Variants in TMEM132C observed in about 807,000 individuals in gnomAD.
TMEM132C encodes transmembrane protein 132C, also known as protein phosphatase 1, regulatory subunit 152.
In TMEM132C, 29 loss-of-function variants were observed where a neutral mutation model predicts 61.4. That is an observed-to-expected ratio of 0.47 (90% CI 0.35 to 0.64). The LOEUF (loss-of-function observed/expected upper bound fraction) is 0.64, where lower values mean the gene tolerates loss of function less well. Ranked by LOEUF, TMEM132C falls within the 30% of genes least tolerant of loss-of-function variation. The pLI, the probability that TMEM132C is intolerant of heterozygous loss-of-function variation, is 0.00. For synonymous variants in TMEM132C, 656 were observed against 633.1 expected (o/e 1.04, Z -0.54); for missense variants, 1,408 against 1,476.9 (o/e 0.95, Z 0.76).
intron 1 of TMEM132C, among the ~76,000 whole-genome samples, chr12:128,310,601 T>A (rs1288984104): frequency 1.3e-5 from 2 of 151,988 alleles, no homozygotes; most frequent in African/African-American, 4.8e-5. Flanking sequence ...AACCTGTTCA[T>A]CACCAAGGAG....
rs748979165 is a variant in TMEM132C at position 128,669,502 on chromosome 12, C to T, written c.1391C>T (p.Ala464Val). The change falls in exon 5 of 9, where the codon GCC becomes GTC. Residue 464 changes from alanine to valine, a missense_variant. Coordinates refer to ENST00000435159, the MANE Select transcript of TMEM132C (RefSeq NM_001136103.3). ...GTGGTCTCTGTGGAGGAGAACAGTGCCGTGATGGACATCTCAGAGTCGGTG... is the reference window on the plus strand; with the variant it reads ...GTGGTCTCTGTGGAGGAGAACAGTGTCGTGATGGACATCTCAGAGTCGGTG... ...IKVVSVEENS[A>V]VMDISESVEC... 10 of 1,551,646 alleles carry T rather than the reference C, an allele frequency of 6.4e-6. No individual in the cohort carries two copies. Among genetic ancestry groups the T allele is most frequent in the Non-Finnish European group, 8.7e-6 (10 of 1,146,984 alleles).
chr12:128,702,868 T>C (rs1185375139), intron 8 of TMEM132C, among the ~76,000 whole-genome samples: 1 of 152,140 alleles, frequency 6.6e-6, no homozygotes, highest in Non-Finnish European at 1.5e-5. Context: ...GCAATGACAG[T>C]GTCCGGGATG....
chr12:128,617,306 G>A (rs577685574), intron 4 of TMEM132C, among the ~76,000 whole-genome samples: 14 of 152,268 alleles, frequency 9.2e-5, no homozygotes, highest in South Asian at 2.1e-4. Context: ...AGGTGGCCCC[G>A]GCAATGCCAC....
At chr12:128,327,746 A>G (rs1437906972) in intron 1 of TMEM132C, among the ~76,000 whole-genome samples, 1 of 152,056 alleles carries the variant, frequency 6.6e-6, no homozygotes, top group Admixed American at 6.6e-5. Flanking sequence ...TAAGAAATAC[A>G]TTGGTTCGGT....
At chr12:128,596,974 C>T (rs1489820839) in intron 3 of TMEM132C, among the ~76,000 whole-genome samples, 1 of 152,194 alleles carries the variant, frequency 6.6e-6, no homozygotes, top group Non-Finnish European at 1.5e-5. Context: ...TCAAGGCGTT[C>T]CATAATGGCT....
At chr12:128,289,226 A>G (rs1871176843) in intron 1 of TMEM132C, among the ~76,000 whole-genome samples, 1 of 152,130 alleles carries the variant, frequency 6.6e-6, no homozygotes, top group Admixed American at 6.5e-5. Flanking sequence ...ATATGCACCT[A>G]TACACACCCT....
At chr12:128,539,566 C>T (rs1458665633) in intron 2 of TMEM132C, among the ~76,000 whole-genome samples, 1 of 152,162 alleles carries the variant, frequency 6.6e-6, no homozygotes, top group Non-Finnish European at 1.5e-5. Flanking sequence ...TGCAGTGAGC[C>T]GAGATGGCGC....
chr12:128,535,807 G>T (rs1380905762), intron 2 of TMEM132C, among the ~76,000 whole-genome samples: 1 of 151,996 alleles, frequency 6.6e-6, no homozygotes, highest in Non-Finnish European at 1.5e-5. Context: ...GGCAGAGCTT[G>T]CAGTGAACCG....
intron 4 of TMEM132C, among the ~76,000 whole-genome samples, chr12:128,637,701 C>T (rs1593128806): frequency 2.0e-5 from 3 of 152,156 alleles, no homozygotes; most frequent in South Asian, 4.1e-4. Flanking sequence ...AGGCATCTCC[C>T]CCATGTTCCT....
intron 2 of TMEM132C, among the ~76,000 whole-genome samples, chr12:128,463,191 A>G (rs7304100): frequency 0.082 from 12,517 of 152,170 alleles, 610 homozygotes; most frequent in Middle Eastern, 0.12. Flanking sequence ...CCTCATCTTT[A>G]TATATAACCT....
chr12:128,687,731 G>A (rs1049829102), intron 5 of TMEM132C, among the ~76,000 whole-genome samples: 1 of 152,174 alleles, frequency 6.6e-6, no homozygotes, highest in Non-Finnish European at 1.5e-5. Context: ...TTCCAGAGCT[G>A]AAAAGGAGAT....
intron 1 of TMEM132C, among the ~76,000 whole-genome samples, chr12:128,356,585 G>A (rs561768370): frequency 2.0e-5 from 3 of 152,164 alleles, no homozygotes; most frequent in Non-Finnish European, 4.4e-5. Flanking sequence ...AGAAGTAGGG[G>A]GCTCTGCATG....
chr12:128,447,223 G>A (rs1870011049), intron 2 of TMEM132C, among the ~76,000 whole-genome samples: 1 of 152,160 alleles, frequency 6.6e-6, no homozygotes. Context: ...TGCTCCCAGG[G>A]AAGAAGCATG....
chr12:128,578,841 G>T (rs1358152513), intron 3 of TMEM132C, among the ~76,000 whole-genome samples: 1 of 152,084 alleles, frequency 6.6e-6, no homozygotes, highest in Non-Finnish European at 1.5e-5. Context: ...CAAGTGATCT[G>T]CCCGCCTCTT....
intron 1 of TMEM132C, among the ~76,000 whole-genome samples, chr12:128,340,888 TTCTTTCTTTCTC>T (rs1183513323): frequency 1.4e-5 from 2 of 143,360 alleles, no homozygotes; most frequent in Non-Finnish European, 1.5e-5. Flanking sequence ...TTTTTTCTTT[TTCTTTCTTTCTC>T]TCTTTCTCTC....
At chr12:128,425,805 C>A (rs1323410673) in intron 2 of TMEM132C, among the ~76,000 whole-genome samples, 1 of 152,216 alleles carries the variant, frequency 6.6e-6, no homozygotes, top group Non-Finnish European at 1.5e-5. Flanking sequence ...GTCTCAATAT[C>A]CCTGTCCTTT....
intron 1 of TMEM132C, among the ~76,000 whole-genome samples, chr12:128,357,556 G>T (rs543471641): frequency 4.6e-5 from 7 of 151,976 alleles, no homozygotes; most frequent in African/African-American, 1.5e-4. Flanking sequence ...TTAGCCAGGT[G>T]TGGTGGCATG....
At chr12:128,425,001 TTCAA>T (rs1426160505) in intron 2 of TMEM132C, among the ~76,000 whole-genome samples, 1 of 152,218 alleles carries the variant, frequency 6.6e-6, no homozygotes, top group Non-Finnish European at 1.5e-5. Context: ...ACCAGTCAAC[TTCAA>T]TCAGATATGT....
intron 3 of TMEM132C, among the ~76,000 whole-genome samples, chr12:128,550,463 C>T (rs1463845188): frequency 1.3e-5 from 2 of 152,128 alleles, no homozygotes; most frequent in Non-Finnish European, 1.5e-5. Context: ...CACCACCAAG[C>T]CCAGCTAATG....
Sources: gnomAD v4.1 joint callset for allele counts (sites outside exome capture counted in the v4.1 genomes callset) on GRCh38, gnomAD v4.1.1 for gene constraint, MANE v1.5 for transcripts, NCBI Gene and HGNC (gene_info 2026-07-23, HGNC 2026-07-21) for gene names.